The following ALMS1 variants were observed in gnomAD, a reference collection of about 807,000 sequenced individuals.
ALMS1 encodes the protein centrosome-associated protein ALMS1.
Under a neutral mutation model 352.2 loss-of-function variants are expected in ALMS1, and 271 were observed. The ratio of observed to expected loss-of-function variants is 0.77; its 90% CI spans 0.70 to 0.85. The LOEUF is 0.85. Among genes scored for constraint, ALMS1 ranks in the 40% least tolerant of loss-of-function variants. The pLI is 0.00. For synonymous variants in ALMS1, 1,865 were observed against 1,761.2 expected, an observed-to-expected ratio of 1.06 and a Z score of -1.48; for missense variants, 5,445 against 4,870.7, an observed-to-expected ratio of 1.12 and a Z score of -3.51.
intron 11 of ALMS1, among the ~76,000 whole-genome samples, chr2:73,529,946 G>A (rs1197712649): frequency 2.0e-5 from 3 of 152,004 alleles, no homozygotes; most frequent in Non-Finnish European, 4.4e-5. Flanking sequence ...CACAACAACA[G>A]CATGAGAGAA....
At chr2:73,564,850 G>A (rs1674770439) in intron 15 of ALMS1, among the ~76,000 whole-genome samples, 1 of 152,144 alleles carries the variant, frequency 6.6e-6, no homozygotes, top group Admixed American at 6.5e-5. Context: ...AATGAGTTTG[G>A]GGAAAGAAGA....
chr2:73,568,337 C>T (rs1350104952), intron 15 of ALMS1, among the ~76,000 whole-genome samples: 2 of 152,108 alleles, frequency 1.3e-5, no homozygotes, highest in Non-Finnish European at 2.9e-5. Flanking sequence ...AATAAATATT[C>T]CCTTTTCACC....
chr2:73,436,937 C>T (rs1368195482), intron 7 of ALMS1, among the ~76,000 whole-genome samples: 1 of 152,156 alleles, frequency 6.6e-6, no homozygotes, highest in Non-Finnish European at 1.5e-5. Context: ...CTTTCTTTTG[C>T]ACATCTTACT....
chr2:73,420,306 T>A (rs1022559727), intron 3 of ALMS1, among the ~76,000 whole-genome samples: 1 of 152,160 alleles, frequency 6.6e-6, no homozygotes, highest in Non-Finnish European at 1.5e-5. Flanking sequence ...GGATTTGTAT[T>A]ATAATGGTGT....
chr2:73,454,362 T>A (rs1033399982), intron 8 of ALMS1: 9 of 985,376 alleles, frequency 9.1e-6, no homozygotes, highest in Non-Finnish European at 1.1e-5. Flanking sequence ...TTCTGATGTA[T>A]GACAGAGAGT....
At chr2:73,604,280 C>G (rs1185424652) in intron 21 of ALMS1, among the ~76,000 whole-genome samples, 1 of 152,130 alleles carries the variant, frequency 6.6e-6, no homozygotes. Flanking sequence ...TTTCTGTAAT[C>G]CTACCTACTC....
At chr2:73,586,333 A>G (rs911430424) in intron 16 of ALMS1, among the ~76,000 whole-genome samples, 3 of 152,108 alleles carry the variant, frequency 2.0e-5, no homozygotes, top group East Asian at 1.9e-4. Flanking sequence ...GTCAATGTCT[A>G]CAAGAGTTTT....
chr2:73,606,742 G>T (rs922881212), intron 21 of ALMS1, among the ~76,000 whole-genome samples: 1 of 152,174 alleles, frequency 6.6e-6, no homozygotes, highest in Admixed American at 6.5e-5. Flanking sequence ...AACCCAGCAA[G>T]TTAGGGTCAC....
rs375870610 is a variant in ALMS1 at position 73,534,956 on chromosome 2, T to C, written c.9907+7T>C. 2.5e-6 allele frequency: 4 copies of C among 1,613,684 alleles called. No homozygotes were observed. The highest frequency in any genetic ancestry group is 1.1e-5 in the South Asian group (1 of 91,070). On this transcript the variant is annotated splice_region_variant and intron_variant, in intron 12 of 22. Transcript: ENST00000613296. ...GTTGAAAGCTCCCATTCAGGTATTATGCAGAAATTATTCGAAGTTTTATTG... is the reference window on the plus strand; with the variant it reads ...GTTGAAAGCTCCCATTCAGGTATTACGCAGAAATTATTCGAAGTTTTATTG...
At chr2:73,501,996 A>G (rs1302519033) in intron 10 of ALMS1, among the ~76,000 whole-genome samples, 2 of 151,822 alleles carry the variant, frequency 1.3e-5, no homozygotes, top group African/African-American at 4.8e-5. Context: ...TACTAAATAT[A>G]TTCCTAAGTA....
chr2:73,491,692 TA>T, intron 10 of ALMS1, among the ~76,000 whole-genome samples, 194 bp downstream of exon 10: 1 of 152,226 alleles, frequency 6.6e-6, no homozygotes, highest in South Asian at 2.1e-4. Flanking sequence ...GTAATGCATT[TA>T]TATTTCAGAG....
At chr2:73,442,391 A>C (rs1240727287) in intron 7 of ALMS1, among the ~76,000 whole-genome samples, 1 of 152,148 alleles carries the variant, frequency 6.6e-6, no homozygotes, top group Non-Finnish European at 1.5e-5. Context: ...TGAAACTTAG[A>C]GTGACTTGCC....
intron 19 of ALMS1, 72 bp from the exon 20 acceptor site, chr2:73,602,113 C>T: frequency 6.7e-7 from 1 of 1,484,098 alleles, no homozygotes; most frequent in Non-Finnish European, 9.2e-7. Flanking sequence ...GGTGGTGTGT[C>T]TCCAGGCATA....
At chr2:73,514,557 T>C (rs1426017648) in intron 10 of ALMS1, among the ~76,000 whole-genome samples, 3 of 152,124 alleles carry the variant, frequency 2.0e-5, no homozygotes, top group South Asian at 4.1e-4. Flanking sequence ...TTTCCATATA[T>C]ATGTATATAA....
At chr2:73,515,399 T>A (rs975571537) in intron 10 of ALMS1, among the ~76,000 whole-genome samples, 6 of 152,126 alleles carry the variant, frequency 3.9e-5, no homozygotes, top group African/African-American at 1.4e-4. Flanking sequence ...TCAGTTTTTC[T>A]TGTCTATTTT....
chr2:73,604,179 G>C, intron 21 of ALMS1, among the ~76,000 whole-genome samples: 1 of 152,112 alleles, frequency 6.6e-6, no homozygotes. Context: ...TAGATTTTTT[G>C]ACTTTTTATA....
At chr2:73,539,164 C>T (rs1364641218) in intron 12 of ALMS1, among the ~76,000 whole-genome samples, 4 of 152,152 alleles carry the variant, frequency 2.6e-5, no homozygotes, top group East Asian at 1.9e-4. Context: ...TTCACACGGC[C>T]GGGTACTTCT....
chr2:73,542,880 G>A (rs1289626112), intron 12 of ALMS1, among the ~76,000 whole-genome samples: 1 of 152,092 alleles, frequency 6.6e-6, no homozygotes, highest in Admixed American at 6.5e-5. Context: ...CAAACAAATG[G>A]AAGAACATTC....
At chr2:73,607,497 C>G (rs1204999004) in intron 21 of ALMS1, among the ~76,000 whole-genome samples, 1 of 152,096 alleles carries the variant, frequency 6.6e-6, no homozygotes, top group Non-Finnish European at 1.5e-5. Context: ...CACCCTCACC[C>G]CCATCTGTTT....
Sources: gnomAD v4.1 joint callset for allele counts (sites outside exome capture counted in the v4.1 genomes callset) on GRCh38, gnomAD v4.1.1 for gene constraint, MANE v1.5 for transcripts, NCBI Gene and HGNC (gene_info 2026-07-23, HGNC 2026-07-21) for gene names.